VAV3: variants seen among roughly 807,000 people sequenced by gnomAD.
The protein encoded by VAV3 is guanine nucleotide exchange factor VAV3.
In VAV3, 94 loss-of-function variants were observed where a neutral mutation model predicts 131.2. The observed-to-expected ratio is 0.72, with a 90% CI of 0.61 to 0.85. The LOEUF (loss-of-function observed/expected upper bound fraction) is 0.85. Among genes scored for constraint, VAV3 ranks in the 40% least tolerant of loss-of-function variants. VAV3 has a pLI of 0.00. For synonymous variants in VAV3, 349 were observed against 342.0 expected (o/e 1.02, Z -0.22); for missense variants, 939 against 1,002.7 (o/e 0.94, Z 0.86).
chr1:107,867,311 G>T (rs1211488291), intron 2 of VAV3, among the ~76,000 whole-genome samples: 1 of 152,162 alleles, frequency 6.6e-6, no homozygotes, highest in Admixed American at 6.6e-5. Context: ...CTAAAAACTG[G>T]ACTTGAATAA....
At chr1:107,712,708 A>G (rs1238780452) in intron 15 of VAV3, among the ~76,000 whole-genome samples, 1 of 152,234 alleles carries the variant, frequency 6.6e-6, no homozygotes, top group African/African-American at 2.4e-5. Flanking sequence ...AATATGTGCC[A>G]TGCAGTGGGA....
chr1:107,642,071 T>C (rs556020203), intron 20 of VAV3, among the ~76,000 whole-genome samples: 2 of 152,252 alleles, frequency 1.3e-5, no homozygotes, highest in East Asian at 3.9e-4. Flanking sequence ...ATTCGGATAG[T>C]GTCAGAGGCG....
At chr1:107,795,332 T>C (rs1666484244) in intron 2 of VAV3, among the ~76,000 whole-genome samples, 4 of 152,198 alleles carry the variant, frequency 2.6e-5, no homozygotes, top group Admixed American at 2.6e-4. Context: ...AACCTTAACA[T>C]ATCCTCGGTG....
At chr1:107,577,071 T>C (rs1649710404) in intron 25 of VAV3, among the ~76,000 whole-genome samples, 1 of 152,218 alleles carries the variant, frequency 6.6e-6, no homozygotes, top group South Asian at 2.1e-4. Context: ...AAGTTACATG[T>C]CTATGGATGC....
At chr1:107,771,172 T>C (rs1457638645) in intron 5 of VAV3, among the ~76,000 whole-genome samples, 1 of 152,122 alleles carries the variant, frequency 6.6e-6, no homozygotes, top group African/African-American at 2.4e-5. Context: ...GTATTTAAGA[T>C]TGGAAGTCAT....
At chr1:107,931,691 A>G (rs1311428548) in intron 1 of VAV3, among the ~76,000 whole-genome samples, 1 of 152,242 alleles carries the variant, frequency 6.6e-6, no homozygotes, top group Non-Finnish European at 1.5e-5. Flanking sequence ...ACAAATAAAG[A>G]AAATGAAGAC....
chr1:107,777,465 C>T (rs909770306), intron 3 of VAV3, among the ~76,000 whole-genome samples, 169 bp from the exon 4 acceptor site: 1 of 152,214 alleles, frequency 6.6e-6, no homozygotes, highest in Non-Finnish European at 1.5e-5. Flanking sequence ...AGTGCCTGCT[C>T]AGTGGCTTTG....
At chr1:107,941,734 G>T (rs1674005869) in intron 1 of VAV3, among the ~76,000 whole-genome samples, 1 of 152,088 alleles carries the variant, frequency 6.6e-6, no homozygotes, top group African/African-American at 2.4e-5. Flanking sequence ...AGCTATCACT[G>T]TTGGGTAGAA....
intron 1 of VAV3, among the ~76,000 whole-genome samples, chr1:107,876,009 A>G (rs1670478533): frequency 6.6e-6 from 1 of 152,188 alleles, no homozygotes; most frequent in Non-Finnish European, 1.5e-5. Context: ...GGAATAGAGC[A>G]AAGAAGAGGA....
chr1:107,745,023 G>C (rs1281720845), intron 15 of VAV3, among the ~76,000 whole-genome samples: 1 of 152,104 alleles, frequency 6.6e-6, no homozygotes, highest in Non-Finnish European at 1.5e-5. Context: ...TGGATATATT[G>C]GATTTGGGGA....
intron 15 of VAV3, among the ~76,000 whole-genome samples, chr1:107,740,712 A>G (rs1222353623): frequency 6.6e-6 from 1 of 152,222 alleles, no homozygotes; most frequent in Admixed American, 6.5e-5. Flanking sequence ...GGCCTAAGTC[A>G]TCTTATTTGT....
In VAV3 at chr1:107,765,105, T is replaced by A. The variant is rs7528153; in HGVS notation, c.892A>T (p.Thr298Ser). The A allele has an allele frequency of 0.66, 1,056,363 of 1,611,246 alleles. 355,014 individuals are homozygous for A. Among genetic ancestry groups the A allele is most frequent in the Non-Finnish European group, 0.7 (824,002 of 1,178,036 alleles). ...AISSLDYISK[T>S]KEDVKLKLEE... The stretch of plus-strand genomic sequence containing the variant: ...AATTTCAGTTTGACATCTTCTTTTG[T>A]CTTAGAAATGTAGTCTAAACTAGAG... Residue 298 changes from threonine to serine, a missense_variant, in exon 9 of 27, where the codon ACA becomes TCA. Coordinates refer to ENST00000370056, the MANE Select transcript of VAV3 (RefSeq NM_006113.5).
intron 1 of VAV3, among the ~76,000 whole-genome samples, chr1:107,882,320 T>G (rs1473460962): frequency 6.6e-6 from 1 of 152,170 alleles, no homozygotes; most frequent in African/African-American, 2.4e-5. Context: ...AAGTTCTCAG[T>G]AGGACACTTG....
In VAV3 at chr1:107,681,678, A is replaced by G. The variant is rs1464590252; in HGVS notation, c.1777+1810T>C. On this transcript the variant is annotated intron_variant, in intron 19 of 26. Transcript: ENST00000370056. ...ACTTTTTTTTTTTTTTTTTTGAGAC[A>G]GAGTCTCGCTTTGTCACCAGGCTGG... Among the ~76,000 whole-genome samples the G allele has an allele frequency of 3.3e-5, 5 of 149,494 alleles. No homozygotes were observed. The East Asian group carries it at 9.9e-4, about 30-fold the overall frequency.
chr1:107,925,203 TAGA>T (rs536873653), intron 1 of VAV3, among the ~76,000 whole-genome samples: 68 of 152,270 alleles, frequency 4.5e-4, no homozygotes, highest in African/African-American at 1.5e-3. Context: ...ACGGTCAAGA[TAGA>T]AGTACCTTTG....
chr1:107,887,271 T>C (rs1161617939), intron 1 of VAV3, among the ~76,000 whole-genome samples: 3 of 152,236 alleles, frequency 2.0e-5, no homozygotes, highest in Non-Finnish European at 2.9e-5. Context: ...GCTTTGATCT[T>C]AATGGCTTCA....
At chr1:107,574,281 G>T in intron 25 of VAV3, 83 bp from the exon 26 acceptor site, 1 of 1,499,934 alleles carries the variant, frequency 6.7e-7, no homozygotes, top group Non-Finnish European at 9.0e-7. Flanking sequence ...TGTTATTGAT[G>T]CTATCAAATG....
At chr1:107,814,886 C>T (rs992032828) in intron 2 of VAV3, among the ~76,000 whole-genome samples, 3 of 152,080 alleles carry the variant, frequency 2.0e-5, no homozygotes, top group African/African-American at 7.2e-5. Flanking sequence ...ATCTTGAAAA[C>T]TCAAATTGGG....
intron 15 of VAV3, among the ~76,000 whole-genome samples, chr1:107,737,777 C>A (rs548101175): frequency 1.2e-4 from 19 of 152,296 alleles, no homozygotes; most frequent in African/African-American, 4.6e-4. Flanking sequence ...CTACTTCAAC[C>A]ATTGTGGAAG....
Sources: gnomAD v4.1 joint callset for allele counts (sites outside exome capture counted in the v4.1 genomes callset) on GRCh38, gnomAD v4.1.1 for gene constraint, MANE v1.5 for transcripts, NCBI Gene and HGNC (gene_info 2026-07-23, HGNC 2026-07-21) for gene names.